MGRN1: variants seen among roughly 807,000 people sequenced by gnomAD.
MGRN1 encodes E3 ubiquitin-protein ligase MGRN1.
In MGRN1, 29 loss-of-function variants were observed where a neutral mutation model predicts 69.2. The ratio of observed to expected loss-of-function variants is 0.42; its 90% confidence interval spans 0.31 to 0.57. MGRN1 has a LOEUF of 0.57. MGRN1 is among the 20% of genes least tolerant of loss of function. MGRN1 has a pLI of 0.15. For missense variants in MGRN1, 998 were observed against 796.2 expected, an observed-to-expected ratio of 1.25 and a Z score of -3.05; for synonymous variants, 470 against 344.2, an observed-to-expected ratio of 1.37 and a Z score of -4.04.
intron 2 of MGRN1, among the ~76,000 whole-genome samples, chr16:4,651,589 G>C (rs1348247378): frequency 2.0e-5 from 3 of 152,098 alleles, no homozygotes; most frequent in Admixed American, 2.0e-4. Flanking sequence ...GGGTTGCTGA[G>C]CTGTGCTCGT....
At chr16:4,631,966 T>G (rs1169172337) in intron 1 of MGRN1, among the ~76,000 whole-genome samples, 1 of 151,370 alleles carries the variant, frequency 6.6e-6, no homozygotes, top group Non-Finnish European at 1.5e-5. Context: ...AATCTATTAC[T>G]GATATATTGC....
At chr16:4,675,308 G>T (rs1472474727) in intron 10 of MGRN1, among the ~76,000 whole-genome samples, 1 of 152,036 alleles carries the variant, frequency 6.6e-6, no homozygotes, top group Non-Finnish European at 1.5e-5. Flanking sequence ...ACAGGGTCTT[G>T]CTATGTTGCC....
rs1213120726 is a variant in MGRN1 at position 4,683,397 on chromosome 16, GC to G, written c.1528+134del. On this transcript the variant is annotated intron_variant, in intron 15 of 16. Transcript: ENST00000262370. ...TGCCCCAGGAACCCTCGGCCAAGAG[GC>G]CCCCCTCGGCGGCACTGGGATCCCG... 3.6e-6 allele frequency: 4 copies of G among 1,114,178 alleles called. 1 individual carries two copies. The highest frequency in any genetic ancestry group is 2.9e-5 in the South Asian group (2 of 68,454). 69.0% of individuals were successfully genotyped at this position (1,114,178 alleles called of 1,614,324 possible).
chr16:4,681,269 G>T (rs372993697), intron 12 of MGRN1: 22 of 464,972 alleles, frequency 4.7e-5, no homozygotes, highest in African/African-American at 2.8e-4. Context: ...GAAAGCCAGG[G>T]AGGGGCTGGT....
intron 16 of MGRN1, among the ~76,000 whole-genome samples, chr16:4,684,404 G>A (rs372100392): frequency 7.7e-4 from 117 of 152,378 alleles, no homozygotes; most frequent in African/African-American, 2.7e-3. Flanking sequence ...GACAGAGCAG[G>A]AGCAGGTACC....
intron 1 of MGRN1, among the ~76,000 whole-genome samples, chr16:4,646,435 A>C (rs985923781): frequency 2.7e-5 from 4 of 149,898 alleles, no homozygotes; most frequent in Non-Finnish European, 4.4e-5. Flanking sequence ...AAAAAAAAAA[A>C]GCTGTGGGTG....
intron 16 of MGRN1, chr16:4,687,890 G>A (rs989136941): frequency 9.1e-6 from 9 of 985,414 alleles, no homozygotes; most frequent in Middle Eastern, 5.2e-4. Context: ...GAGTCCCTCT[G>A]TTGACCCCTG....
intron 7 of MGRN1, 22 bp from the exon 8 acceptor site, chr16:4,668,243 T>A: frequency 1.2e-6 from 2 of 1,612,184 alleles, no homozygotes; most frequent in Non-Finnish European, 1.7e-6. Context: ...CACCTTAACC[T>A]CTTTGTCTTT....
At chr16:4,673,789 G>C in intron 10 of MGRN1, 132 bp downstream of exon 10, 1 of 1,189,206 alleles carries the variant, frequency 8.4e-7, no homozygotes, top group Non-Finnish European at 1.2e-6. Context: ...CATCTAGTCT[G>C]TGCTGAACGT....
chr16:4,677,514 T>C lies in MGRN1; in HGVS notation c.1007T>C (p.Leu336Pro). The C allele has an allele frequency of 6.3e-7, 1 of 1,596,110 alleles. No individual in the cohort carries two copies. Among genetic ancestry groups the C allele is most frequent in the Non-Finnish European group, 8.5e-7 (1 of 1,177,326 alleles). ...IRAVRKKPGA[L>P]SPVSFSPVLA... is the part of the protein sequence containing the mutation. ...GCGGTGCGGAAGAAGCCAGGAGCCC[T>C]GTCCCCCGTGTCCTTCAGCCCCGTC... The change falls in exon 11 of 17, where the codon CTG becomes CCG. Residue 336 changes from leucine to proline, a missense_variant. Transcript: ENST00000262370.
chr16:4,641,213 C>A (rs1318947043), intron 1 of MGRN1, among the ~76,000 whole-genome samples: 1 of 152,248 alleles, frequency 6.6e-6, no homozygotes, highest in African/African-American at 2.4e-5. Flanking sequence ...CTTCTTGAGG[C>A]AAAGGAAAGG....
chr16:4,648,661 C>T (rs1272693461), intron 1 of MGRN1, among the ~76,000 whole-genome samples: 6 of 108,840 alleles, frequency 5.5e-5, no homozygotes, highest in African/African-American at 1.4e-4. Flanking sequence ...CTCCTCCTCC[C>T]GGGGACTCTT....
At chr16:4,648,065 G>A (rs780358067) in intron 1 of MGRN1, among the ~76,000 whole-genome samples, 4 of 152,198 alleles carry the variant, frequency 2.6e-5, no homozygotes, top group Non-Finnish European at 5.9e-5. Context: ...CCCGGGAAGG[G>A]CCCACCTGGC....
rs752493106 is a variant in MGRN1 at position 4,688,903 on chromosome 16, C to A, written c.1726C>A (p.Leu576Ile). The A allele has an allele frequency of 1.3e-6, 2 of 1,542,164 alleles. No homozygotes were observed. Among genetic ancestry groups the A allele is most frequent in the Admixed American group, 2.0e-5 (1 of 51,204 alleles). ...PDPSAAELTP[L>I] The stretch of plus-strand genomic sequence containing the variant: ...TCCCAGCGCCGCCGAGCTGACCCCA[C>A]TCTGAGAGCCTGGCCGAGCTGGCAG... Residue 576 changes from leucine (L) to isoleucine (I), a missense_variant, in exon 17 of 17, where the codon CTC (leucine) becomes ATC (isoleucine). Transcript: ENST00000262370.
chr16:4,652,467 G>A (rs530405998), intron 3 of MGRN1, among the ~76,000 whole-genome samples: 2 of 152,154 alleles, frequency 1.3e-5, no homozygotes, highest in South Asian at 2.1e-4. Flanking sequence ...CCAAAAGCAC[G>A]TACCCCGTCT....
At position 4,688,801 on chromosome 16, in the gene MGRN1, C is replaced by A; in HGVS notation, c.1624C>A (p.Pro542Thr). Reference sequence around the variant, plus strand: ...CCCTCTGCTCCCACCTGCAGGACGGCCCACCTCCATGGAGACGGCCCACGG... The same window carrying A: ...CCCTCTGCTCCCACCTGCAGGACGGACCACCTCCATGGAGACGGCCCACGG... ...PPADIYLPGR[P>T]TSMETAHGLA... Residue 542 changes from proline (P) to threonine (T), a missense_variant, in exon 17 of 17, where the codon CCC becomes ACC. Transcript: ENST00000262370. 6.5e-7 allele frequency: 1 copy of A among 1,547,572 alleles called. No individual in the cohort carries two copies.
At chr16:4,682,419 G>C (rs2079207018) in intron 13 of MGRN1, among the ~76,000 whole-genome samples, 1 of 152,240 alleles carries the variant, frequency 6.6e-6, no homozygotes, top group Non-Finnish European at 1.5e-5. Context: ...TCTCGTAGAA[G>C]AGTGTCAGGA....
chr16:4,667,732 G>A (rs2078836545), intron 7 of MGRN1, among the ~76,000 whole-genome samples: 2 of 152,226 alleles, frequency 1.3e-5, no homozygotes, highest in Non-Finnish European at 2.9e-5. Context: ...GAGCGGTGGT[G>A]TGTTTCCCTG....
Position 4,680,110 on chromosome 16 carries a change from T to A in MGRN1, c.1131+13T>A. The A allele has an allele frequency of 6.2e-7, 1 of 1,613,346 alleles. No individual in the cohort carries two copies. The highest frequency in any genetic ancestry group is 2.2e-5 in the East Asian group (1 of 44,852). The stretch of plus-strand genomic sequence containing the variant: ...TAAAAGGGAAACAGTAAGTGTCTGG[T>A]CCTCCGGCTACGTTTTTTTGCCCCC... On this transcript the variant is annotated intron_variant, in intron 12 of 16. Coordinates refer to ENST00000262370, the MANE Select transcript of MGRN1 (RefSeq NM_015246.4).
Sources: gnomAD v4.1 joint callset for allele counts (sites outside exome capture counted in the v4.1 genomes callset) on GRCh38, gnomAD v4.1.1 for gene constraint, MANE v1.5 for transcripts, NCBI Gene and HGNC (gene_info 2026-07-23, HGNC 2026-07-21) for gene names.